OTOGL: variants seen among roughly 807,000 people sequenced by gnomAD.
OTOGL encodes otogelin like, also known as otogelin-like protein.
A neutral mutation model predicts 318.5 loss-of-function variants in OTOGL; 285 were observed. The observed-to-expected ratio is 0.89, with a 90% confidence interval of 0.81 to 0.99. The LOEUF is 0.99. Ranked by LOEUF, OTOGL falls within the 50% of genes least tolerant of loss-of-function variation. The pLI is 0.00. For synonymous variants in OTOGL, 987 were observed against 936.5 expected, an observed-to-expected ratio of 1.05 and a Z score of -0.99; for missense variants, 2,899 against 2,845.6, an observed-to-expected ratio of 1.02 and a Z score of -0.43.
intron 1 of OTOGL, among the ~76,000 whole-genome samples, chr12:80,148,507 T>G (rs1291435887): frequency 3.3e-5 from 5 of 150,146 alleles, no homozygotes; most frequent in South Asian, 4.3e-4. Flanking sequence ...CATTTCAACT[T>G]TGGTGAATCT....
intron 1 of OTOGL, among the ~76,000 whole-genome samples, chr12:80,129,615 TTTTTCTTTTACA>T (rs1194310259): frequency 6.6e-6 from 1 of 152,186 alleles, no homozygotes; most frequent in African/African-American, 2.4e-5. Flanking sequence ...TCTCATTTTT[TTTTTCTTTTACA>T]TTTTCTTCAC....
At chr12:80,144,790 A>G (rs1368129318) in intron 1 of OTOGL, among the ~76,000 whole-genome samples, 1 of 152,120 alleles carries the variant, frequency 6.6e-6, no homozygotes, top group Non-Finnish European at 1.5e-5. Flanking sequence ...TTTGATTTGC[A>G]TTTCTCTGAT....
chr12:80,261,602 G>A (rs1882531613), intron 18 of OTOGL, among the ~76,000 whole-genome samples: 1 of 152,114 alleles, frequency 6.6e-6, no homozygotes, highest in Non-Finnish European at 1.5e-5. Context: ...TTGGTTGTGT[G>A]AGTGTATGTG....
chr12:80,308,290 C>G (rs1343996260), intron 29 of OTOGL, among the ~76,000 whole-genome samples: 1 of 150,380 alleles, frequency 6.6e-6, no homozygotes, highest in Non-Finnish European at 1.5e-5. Context: ...ACTTCTCAGA[C>G]CGGGCGGTTG....
At chr12:80,143,879 A>C (rs1946893736) in intron 1 of OTOGL, among the ~76,000 whole-genome samples, 1 of 152,118 alleles carries the variant, frequency 6.6e-6, no homozygotes, top group Admixed American at 6.6e-5. Flanking sequence ...GTAGTATGCT[A>C]TTCAGGTGTA....
chr12:80,270,598 C>T (rs1434693270), intron 23 of OTOGL, among the ~76,000 whole-genome samples: 1 of 152,090 alleles, frequency 6.6e-6, no homozygotes, highest in Admixed American at 6.6e-5. Flanking sequence ...GGGGTGATAC[C>T]TGAAATTCTA....
intron 26 of OTOGL, among the ~76,000 whole-genome samples, chr12:80,293,000 A>G (rs1291646975): frequency 6.6e-6 from 1 of 152,216 alleles, no homozygotes; most frequent in African/African-American, 2.4e-5. Context: ...CAAATATCAA[A>G]GGCTTAAAAC....
chr12:80,148,185 C>A (rs1872533563), intron 1 of OTOGL, among the ~76,000 whole-genome samples: 1 of 151,324 alleles, frequency 6.6e-6, no homozygotes, highest in Non-Finnish European at 1.5e-5. Context: ...TTTGCAGCGG[C>A]TGGTACCGGT....
At chr12:80,129,074 T>G (rs1057477400) in intron 1 of OTOGL, among the ~76,000 whole-genome samples, 3 of 152,126 alleles carry the variant, frequency 2.0e-5, no homozygotes, top group Non-Finnish European at 4.4e-5. Flanking sequence ...CAATCCCCAG[T>G]GAGATGAACC....
At chr12:80,359,369 C>A (rs1890108086) in intron 52 of OTOGL, among the ~76,000 whole-genome samples, 1 of 152,134 alleles carries the variant, frequency 6.6e-6, no homozygotes, top group African/African-American at 2.4e-5. Flanking sequence ...ACTAGGATAA[C>A]TCTGGTGTCA....
intron 32 of OTOGL, among the ~76,000 whole-genome samples, chr12:80,318,286 G>T (rs796869385): frequency 1.3e-5 from 2 of 152,068 alleles, no homozygotes; most frequent in Non-Finnish European, 2.9e-5. Context: ...AATACACTGA[G>T]TGCAGTAAGA....
At chr12:80,343,617 A>C (rs1380490176) in intron 44 of OTOGL, 2 of 140,748 alleles carry the variant, frequency 1.4e-5, no homozygotes, top group African/African-American at 5.4e-5. Flanking sequence ...ACCCTTGACC[A>C]AAGGCCGGTC....
At chr12:80,144,535 T>C (rs1268555517) in intron 1 of OTOGL, among the ~76,000 whole-genome samples, 2 of 149,510 alleles carry the variant, frequency 1.3e-5, no homozygotes, top group African/African-American at 5.1e-5. Context: ...TGTGTCTTTA[T>C]AGCAGCATGA....
chr12:80,330,623 A>G (rs1485148436), intron 37 of OTOGL, among the ~76,000 whole-genome samples: 4 of 152,254 alleles, frequency 2.6e-5, no homozygotes. Flanking sequence ...TGATTTAAAC[A>G]ACCATAATCT....
chr12:80,166,529 C>T (rs1283884132), intron 1 of OTOGL, among the ~76,000 whole-genome samples: 3 of 152,114 alleles, frequency 2.0e-5, no homozygotes, highest in African/African-American at 7.2e-5. Context: ...TATTTGGCCT[C>T]TCTTTCAAAA....
At chr12:80,104,522 A>T (rs1869336594) in intron 1 of OTOGL, among the ~76,000 whole-genome samples, 1 of 152,152 alleles carries the variant, frequency 6.6e-6, no homozygotes, top group Admixed American at 6.5e-5. Flanking sequence ...TGCCAAGGAT[A>T]CACTTAATAA....
chr12:80,234,522 A>G (rs1405323303), intron 9 of OTOGL, among the ~76,000 whole-genome samples: 1 of 152,216 alleles, frequency 6.6e-6, no homozygotes, highest in Non-Finnish European at 1.5e-5. Context: ...ATTAAATTTT[A>G]TAAGTTTAAA....
chr12:80,329,676 A>G (rs907388176), intron 37 of OTOGL, among the ~76,000 whole-genome samples: 2 of 152,172 alleles, frequency 1.3e-5, no homozygotes, highest in Admixed American at 6.5e-5. Context: ...TCAGGGAAGG[A>G]TTTAATAAAT....
At chr12:80,357,482 A>G (rs1204637828) in intron 49 of OTOGL, among the ~76,000 whole-genome samples, 2 of 152,168 alleles carry the variant, frequency 1.3e-5, no homozygotes, top group African/African-American at 2.4e-5. Context: ...TAATCAAAAC[A>G]ATTTCTTTGC....
Sources: allele counts gnomAD v4.1 joint callset (sites outside exome capture counted in the v4.1 genomes callset), GRCh38; gene constraint gnomAD v4.1.1; transcripts MANE v1.5; gene names NCBI Gene and HGNC (gene_info 2026-07-23, HGNC 2026-07-21).